LRBA: variants seen among roughly 807,000 people sequenced by gnomAD.
The protein encoded by LRBA is lipopolysaccharide-responsive and beige-like anchor protein.
LRBA carries 176 observed loss-of-function variants against 330.0 expected under a neutral mutation model. The ratio of observed to expected loss-of-function variants is 0.53; its 90% CI spans 0.47 to 0.60. LRBA has a LOEUF of 0.60. Among genes scored for constraint, LRBA ranks in the 20% least tolerant of loss-of-function variants. LRBA has a pLI of 0.00. For synonymous variants in LRBA, 1,230 were observed against 1,193.0 expected, an observed-to-expected ratio of 1.03 and a Z score of -0.64; for missense variants, 3,259 against 3,444.8, an observed-to-expected ratio of 0.95 and a Z score of 1.35.
At chr4:150,445,273 T>C (rs984024124) in intron 44 of LRBA, among the ~76,000 whole-genome samples, 6 of 151,462 alleles carry the variant, frequency 4.0e-5, no homozygotes, top group Non-Finnish European at 8.8e-5. Flanking sequence ...AACATTCAGC[T>C]TTTGAAATTC....
intron 47 of LRBA, among the ~76,000 whole-genome samples, chr4:150,415,035 A>G (rs150624589): frequency 3.3e-5 from 5 of 152,346 alleles, no homozygotes; most frequent in Non-Finnish European, 4.4e-5. Context: ...TTCAAATGAT[A>G]GATACAGGAC....
chr4:150,904,059 A>C (rs748939528), intron 13 of LRBA, among the ~76,000 whole-genome samples: 17 of 152,324 alleles, frequency 1.1e-4, no homozygotes, highest in Non-Finnish European at 1.9e-4. Context: ...GAACAGATCT[A>C]AGATAAATGG....
At chr4:150,803,107 CACAT>C (rs1251722369) in intron 33 of LRBA, among the ~76,000 whole-genome samples, 3 of 142,974 alleles carry the variant, frequency 2.1e-5, no homozygotes, top group African/African-American at 8.1e-5. Flanking sequence ...CACACACACA[CACAT>C]ATATACACAC....
At chr4:150,773,764 CT>C (rs1407876309) in intron 34 of LRBA, among the ~76,000 whole-genome samples, 10 of 152,204 alleles carry the variant, frequency 6.6e-5, no homozygotes, top group Admixed American at 6.5e-4. Flanking sequence ...TCTATTCCAA[CT>C]ATGCATTCCA....
chr4:150,582,679 T>C (rs1224214691), intron 40 of LRBA: 2 of 211,962 alleles, frequency 9.4e-6, no homozygotes, highest in African/African-American at 4.6e-5. Context: ...CCTGAGTTTT[T>C]TCCCTCTCCT....
intron 2 of LRBA, among the ~76,000 whole-genome samples, chr4:150,943,911 A>T (rs1235279039): frequency 6.6e-6 from 1 of 152,146 alleles, no homozygotes; most frequent in Non-Finnish European, 1.5e-5. Context: ...TACATCATTC[A>T]TTCTAAGGAA....
Position 150,546,092 on chromosome 4 carries a change from G to C in LRBA, c.6330+41956C>G, listed in dbSNP as rs148891955. 3.0e-3 allele frequency among the ~76,000 whole-genome samples: 452 copies of C among 152,204 alleles called. 4 individuals are homozygous for C. The highest frequency in any genetic ancestry group is 0.011 in the African/African-American group (440 of 41,554). Reference sequence around the variant, plus strand: ...TTTTTTAATCCACATTTTTCATATAGAAGAAAGATTTGTGTATTTTGCAAA... The same window carrying C: ...TTTTTTAATCCACATTTTTCATATACAAGAAAGATTTGTGTATTTTGCAAA... On this transcript the variant is annotated intron_variant, in intron 40 of 56. Transcript: ENST00000651943.
intron 37 of LRBA, among the ~76,000 whole-genome samples, chr4:150,638,100 T>A (rs917943346): frequency 2.0e-5 from 3 of 151,990 alleles, no homozygotes; most frequent in African/African-American, 7.2e-5. Context: ...TTAATTATTT[T>A]TTTTTTTTGC....
chr4:150,487,858 T>G lies in LRBA; in HGVS notation c.6449-24A>C, dbSNP rs781694951. The G allele has an allele frequency of 3.7e-6, 5 of 1,359,576 alleles. No homozygotes were observed. The African/African-American group carries it at 5.7e-5, about 15-fold the overall frequency. 84.2% of individuals were successfully genotyped at this position (1,359,576 alleles called of 1,614,324 possible). ...AACTACAACAGATGATTTTTAAAAA[T>G]TAGAACACAGTATAACTTCCTTTCT... On this transcript the variant is annotated intron_variant, in intron 41 of 56. Transcript: ENST00000651943.
chr4:150,431,342 G>C (rs1260802940), intron 46 of LRBA, among the ~76,000 whole-genome samples: 1 of 152,124 alleles, frequency 6.6e-6, no homozygotes, highest in Admixed American at 6.5e-5. Flanking sequence ...GTACACATCA[G>C]AAACATCATT....
intron 37 of LRBA, among the ~76,000 whole-genome samples, chr4:150,667,663 T>C (rs988176127): frequency 3.9e-5 from 6 of 152,282 alleles, no homozygotes; most frequent in Admixed American, 3.9e-4. Context: ...GGAATAGAAT[T>C]AGTGCCCTTA....
intron 2 of LRBA, among the ~76,000 whole-genome samples, chr4:150,989,873 C>A (rs1347543201): frequency 6.6e-6 from 1 of 151,818 alleles, no homozygotes; most frequent in Non-Finnish European, 1.5e-5. Flanking sequence ...CCTGTAATCA[C>A]AGAACTTTGG....
Position 150,583,624 on chromosome 4 carries a change from C to T in LRBA, c.6330+4424G>A, listed in dbSNP as rs1283728862. The T allele has an allele frequency of 6.2e-7, 1 of 1,613,804 alleles. No individual in the cohort carries two copies. Among genetic ancestry groups the T allele is most frequent in the South Asian group, 1.1e-5 (1 of 91,054 alleles). ...CCACATCCCTTGGCCCGGCCCCAATCGGGTGGCCGAGGTCAAGGCCGAAGG... is the reference window on the plus strand; with the variant it reads ...CCACATCCCTTGGCCCGGCCCCAATTGGGTGGCCGAGGTCAAGGCCGAAGG... On this transcript the variant is annotated intron_variant, in intron 40 of 56. Transcript: ENST00000651943. The surrounding 1 kb of genome is among the most constrained non-coding windows in gnomAD (Gnocchi z 9.8).
chr4:150,837,781 GC>G (rs1748380773), intron 28 of LRBA, among the ~76,000 whole-genome samples: 1 of 152,130 alleles, frequency 6.6e-6, no homozygotes, highest in Admixed American at 6.5e-5. Flanking sequence ...GGAGCATTTA[GC>G]CCATTTACAT....
chr4:150,510,217 A>G (rs1014480097), intron 40 of LRBA, among the ~76,000 whole-genome samples: 35 of 152,216 alleles, frequency 2.3e-4, no homozygotes, highest in Non-Finnish European at 4.6e-4. Context: ...AATATCTAAT[A>G]AAGAAGTTAA....
chr4:150,831,041 T>C (rs754274310), intron 29 of LRBA, among the ~76,000 whole-genome samples: 21 of 151,954 alleles, frequency 1.4e-4, no homozygotes, highest in Non-Finnish European at 2.8e-4. Context: ...CTGGGATTAC[T>C]GGCGTGAACT....
At chr4:150,590,481 CT>C (rs772788729) in intron 39 of LRBA, among the ~76,000 whole-genome samples, 28 of 150,318 alleles carry the variant, frequency 1.9e-4, no homozygotes, top group Non-Finnish European at 4.0e-4. Context: ...TAAACTTTTT[CT>C]TTTTCAGTGA....
intron 37 of LRBA, among the ~76,000 whole-genome samples, chr4:150,682,242 T>C (rs1561509782): frequency 6.6e-6 from 1 of 152,180 alleles, no homozygotes; most frequent in South Asian, 2.1e-4. Flanking sequence ...ATAAAGCACT[T>C]TGAAACTCTA....
At chr4:150,826,836 C>T (rs910660702) in intron 30 of LRBA, among the ~76,000 whole-genome samples, 1 of 152,180 alleles carries the variant, frequency 6.6e-6, no homozygotes, top group African/African-American at 2.4e-5. Flanking sequence ...CCCAACAGAA[C>T]ATCGTGAAAG....
Sources: gnomAD v4.1 joint callset for allele counts (sites outside exome capture counted in the v4.1 genomes callset) on GRCh38, gnomAD v4.1.1 for gene constraint, Gnocchi (gnomAD v3.1) non-coding constraint, MANE v1.5 for transcripts, NCBI Gene and HGNC (gene_info 2026-07-23, HGNC 2026-07-21) for gene names.